Variants in ENTPD1 observed in about 807,000 individuals in gnomAD.
ENTPD1 encodes the protein ATP diphosphohydrolase.
ENTPD1 carries 33 observed loss-of-function variants against 57.0 expected under a neutral mutation model. That is an observed-to-expected ratio of 0.58 (90% CI 0.44 to 0.77). The LOEUF (loss-of-function observed/expected upper bound fraction) is 0.77, where lower values mean the gene tolerates loss of function less well. ENTPD1 is among the 30% of genes least tolerant of loss of function. ENTPD1 has a pLI of 0.00. For missense variants in ENTPD1, 501 were observed against 603.4 expected (o/e 0.83, Z 1.78); for synonymous variants, 202 against 218.8 (o/e 0.92, Z 0.68).
At chr10:95,852,313 T>G (rs1021105502) in intron 7 of ENTPD1, among the ~76,000 whole-genome samples, 4 of 152,086 alleles carry the variant, frequency 2.6e-5, no homozygotes, top group African/African-American at 4.8e-5. Flanking sequence ...TGAGTTCATT[T>G]TAGATTCTGG....
intron 2 of ENTPD1, among the ~76,000 whole-genome samples, chr10:95,836,293 G>A (rs4412693): frequency 2.0e-5 from 3 of 151,854 alleles, no homozygotes. Context: ...GATTGCCTTG[G>A]CTATTTGGGC....
chr10:95,810,390 C>T (rs866308111), intron 1 of ENTPD1, among the ~76,000 whole-genome samples: 1 of 150,284 alleles, frequency 6.7e-6, no homozygotes, highest in Non-Finnish European at 1.5e-5. Flanking sequence ...GGCAGAGGTG[C>T]TCCTCACTTC....
chr10:95,735,012 T>C (rs2139859526), intron 1 of ENTPD1, among the ~76,000 whole-genome samples: 1 of 151,228 alleles, frequency 6.6e-6, no homozygotes. Context: ...TCCAAAGCAC[T>C]TGATGAAAAT....
intron 1 of ENTPD1, among the ~76,000 whole-genome samples, chr10:95,776,603 T>C (rs11188482): frequency 0.16 from 24,193 of 152,030 alleles, 2,486 homozygotes; most frequent in African/African-American, 0.28. Flanking sequence ...ATCTGACAAT[T>C]ATGTGTCTTG....
At chr10:95,775,966 A>G (rs144789205) in intron 1 of ENTPD1, among the ~76,000 whole-genome samples, 3 of 152,050 alleles carry the variant, frequency 2.0e-5, no homozygotes, top group Non-Finnish European at 2.9e-5. Flanking sequence ...TGCAACCCCT[A>G]CTTTTTTTTG....
upstream of ENTPD1, among the ~76,000 whole-genome samples, chr10:95,751,517 G>A (rs891082242): frequency 2.6e-5 from 4 of 151,918 alleles, no homozygotes; most frequent in African/African-American, 9.7e-5. Flanking sequence ...TCAGGAGTTC[G>A]AGACCAGGCT....
intron 1 of ENTPD1, among the ~76,000 whole-genome samples, chr10:95,714,461 G>A (rs2097969270): frequency 6.6e-6 from 1 of 152,088 alleles, no homozygotes; most frequent in African/African-American, 2.4e-5. Context: ...ACTAACCACT[G>A]TTCTCTTTTG....
At chr10:95,773,904 G>T (rs938918237) in intron 1 of ENTPD1, among the ~76,000 whole-genome samples, 4 of 152,178 alleles carry the variant, frequency 2.6e-5, no homozygotes, top group African/African-American at 9.6e-5. Context: ...TTGAGGAGTT[G>T]CCACACTGTC....
At position 95,726,267 on chromosome 10, in the gene ENTPD1, G is replaced by GTATATGTGTTATACTATGTAT. The variant is rs1461094257; in HGVS notation, c.37+14274_37+14275insTATATGTGTTATACTATGTAT. On this transcript the variant is annotated intron_variant, in intron 1 of 9. Coordinates refer to the ENTPD1 transcript ENST00000453258. ...ATAAATATATCATCTACATATACTAGAACCATAGTGAAAGTGTTATAACTT... is the reference window on the plus strand; with the variant it reads ...ATAAATATATCATCTACATATACTAGTATATGTGTTATACTATGTATAACCATAGTGAAAGTGTTATAACTT... Among the ~76,000 whole-genome samples, 6 of 152,096 alleles carry GTATATGTGTTATACTATGTAT rather than the reference G, an allele frequency of 3.9e-5. No individual in the cohort carries two copies. The East Asian group carries it at 1.2e-3, about 29-fold the overall frequency.
At chr10:95,716,861 CTTTA>C (rs2097972121) in intron 1 of ENTPD1, among the ~76,000 whole-genome samples, 1 of 152,216 alleles carries the variant, frequency 6.6e-6, no homozygotes, top group African/African-American at 2.4e-5. Context: ...AGATGGCAAG[CTTTA>C]TTTGTCTTCT....
chr10:95,867,779 G>A lies in ENTPD1; in HGVS notation c.*1396G>A. The A allele has an allele frequency of 1.0e-6, 1 of 985,466 alleles. No individual in the cohort carries two copies. The highest frequency in any genetic ancestry group is 1.2e-6 in the Non-Finnish European group (1 of 829,936). The allele number at this position is 985,466 out of a possible 1,614,324, so 61.0% of individuals were successfully genotyped here. A position where few individuals can be genotyped will look rare whatever the true frequency, so the allele number is the denominator to read the frequency against. ...CTCTCCATCTCTAGATCTGGGGACT[G>A]ACTGTTGAGCTGATGGGGAAAGAAA... On this transcript the variant is annotated 3_prime_UTR_variant, in exon 10 of 10. Coordinates refer to ENST00000371205, the MANE Select transcript of ENTPD1 (RefSeq NM_001776.6).
At chr10:95,850,958 A>T (rs1350946480) in intron 7 of ENTPD1, among the ~76,000 whole-genome samples, 1 of 152,186 alleles carries the variant, frequency 6.6e-6, no homozygotes, top group Non-Finnish European at 1.5e-5. Context: ...GTTGGTAAAT[A>T]TGGTATTAAA....
intron 8 of ENTPD1, among the ~76,000 whole-genome samples, chr10:95,862,675 AG>A (rs2098467313): frequency 6.6e-6 from 1 of 152,168 alleles, no homozygotes; most frequent in Non-Finnish European, 1.5e-5. Flanking sequence ...GCTTCATTAG[AG>A]GGCTAGTAGA....
intron 1 of ENTPD1, among the ~76,000 whole-genome samples, chr10:95,757,857 T>C (rs966926416): frequency 2.0e-5 from 3 of 151,418 alleles, no homozygotes; most frequent in African/African-American, 7.3e-5. Flanking sequence ...ATACAAAAAT[T>C]AGCTGGGTGT....
Position 95,854,261 on chromosome 10 carries a change from G to T in ENTPD1, c.1075-6208G>T, listed in dbSNP as rs1173421076. Among the ~76,000 whole-genome samples the T allele has an allele frequency of 2.0e-5, 3 of 152,314 alleles. No individual in the cohort carries two copies. In the South Asian group the frequency reaches 6.2e-4, roughly 32 times the overall value. On this transcript the variant is annotated intron_variant, in intron 7 of 9. Transcript: ENST00000371205. ...TTCTCTGATGGTAGTTTGTATTTCTGTGGGATCGGTGGTGATATCCCCTTT... is the reference window on the plus strand; with the variant it reads ...TTCTCTGATGGTAGTTTGTATTTCTTTGGGATCGGTGGTGATATCCCCTTT...
At chr10:95,847,751 T>G (rs760792497) in intron 7 of ENTPD1, 45 bp downstream of exon 7, 1 of 1,612,742 alleles carries the variant, frequency 6.2e-7, no homozygotes, top group East Asian at 2.2e-5. Context: ...TGTTTACAAG[T>G]TATAGAATAT....
chr10:95,797,832 A>T (rs1054376852), intron 1 of ENTPD1, among the ~76,000 whole-genome samples: 1 of 152,216 alleles, frequency 6.6e-6, no homozygotes, highest in Non-Finnish European at 1.5e-5. Context: ...GTCACATTTT[A>T]ACATGAGATT....
Position 95,867,164 on chromosome 10 carries a change from C to G in ENTPD1, c.*781C>G, listed in dbSNP as rs2098475410. 1 of 985,288 alleles carries G rather than the reference C, an allele frequency of 1.0e-6. No individual in the cohort carries two copies. Among genetic ancestry groups the G allele is most frequent in the Non-Finnish European group, 1.2e-6 (1 of 829,940 alleles). 61.0% of individuals were successfully genotyped at this position (985,288 alleles called of 1,614,324 possible). On this transcript the variant is annotated 3_prime_UTR_variant, in exon 10 of 10. Coordinates refer to ENST00000371205, the MANE Select transcript of ENTPD1 (RefSeq NM_001776.6). ...GTCACAAATAAAAATACAGTTACAA[C>G]TCAGGGTCACAAAAAATGCATCTTC...
chr10:95,872,253 G>T lies in ENTPD1; in HGVS notation c.*5870G>T, dbSNP rs1200092346. ...CATTGCTGCTCAACTAAAACCACTGGTGGCTTTCCATTGCCTACAAAATAA... is the reference window on the plus strand; with the variant it reads ...CATTGCTGCTCAACTAAAACCACTGTTGGCTTTCCATTGCCTACAAAATAA... On this transcript the variant is annotated 3_prime_UTR_variant, in exon 10 of 10. Transcript: ENST00000371205. 1.0e-6 allele frequency: 1 copy of T among 985,212 alleles called. No homozygotes were observed. Among genetic ancestry groups the T allele is most frequent in the East Asian group, 1.1e-4 (1 of 8,830 alleles). 61.0% of individuals were successfully genotyped at this position (985,212 alleles called of 1,614,324 possible).
Sources: allele counts gnomAD v4.1 joint callset (sites outside exome capture counted in the v4.1 genomes callset), GRCh38; gene constraint gnomAD v4.1.1; transcripts MANE v1.5; gene names NCBI Gene and HGNC (gene_info 2026-07-23, HGNC 2026-07-21).